Variants in ZFHX3 observed in about 807,000 individuals in gnomAD.
The protein encoded by ZFHX3 is zinc finger homeobox 3.
ZFHX3 carries 42 observed loss-of-function variants against 279.1 expected under a neutral mutation model. The ratio of observed to expected loss-of-function variants is 0.15; its 90% CI spans 0.12 to 0.19. The LOEUF (loss-of-function observed/expected upper bound fraction) is 0.19, where lower values mean the gene tolerates loss of function less well. ZFHX3 is among the 10% of genes least tolerant of loss of function. The probability of loss-of-function intolerance (pLI) is 1.00; values close to 1 mark genes in which losing one functional copy is unlikely to be tolerated. For synonymous variants in ZFHX3, 2,293 were observed against 1,957.8 expected, an observed-to-expected ratio of 1.17 and a Z score of -4.52; for missense variants, 4,981 against 4,754.0, an observed-to-expected ratio of 1.05 and a Z score of -1.40.
chr16:73,058,549 C>T (rs1965620932), exon 1 of ZFHX3: 2 of 173,684 alleles, frequency 1.2e-5, no homozygotes, highest in Admixed American at 6.6e-5. Context: ...TCTCCGGCGG[C>T]GGCGGCTGCA....
chr16:73,648,589 T>G (rs369715861), intron 2 of ZFHX3, among the ~76,000 whole-genome samples: 10 of 152,098 alleles, frequency 6.6e-5, no homozygotes, highest in Admixed American at 1.3e-4. Flanking sequence ...GTTTTGTTTT[T>G]TTAGTAGAGA....
intron 3 of ZFHX3, among the ~76,000 whole-genome samples, chr16:73,421,799 A>C (rs751677755): frequency 6.6e-6 from 1 of 152,042 alleles, no homozygotes; most frequent in African/African-American, 2.4e-5. Context: ...GTTGGTCAGG[A>C]TTTGGTTTTC....
At chr16:73,134,890 A>T (rs1458229631) in intron 6 of ZFHX3, among the ~76,000 whole-genome samples, 1 of 152,122 alleles carries the variant, frequency 6.6e-6, no homozygotes, top group Non-Finnish European at 1.5e-5. Context: ...CTAGCATGAG[A>T]ATGCTTTGAA....
At chr16:72,870,275 C>G (rs924671860) in intron 4 of ZFHX3, among the ~76,000 whole-genome samples, 1 of 151,998 alleles carries the variant, frequency 6.6e-6, no homozygotes. Flanking sequence ...GCCTGTAGTC[C>G]CAGGTACTCA....
At chr16:73,406,225 C>T (rs1161906037) in intron 3 of ZFHX3, among the ~76,000 whole-genome samples, 1 of 152,242 alleles carries the variant, frequency 6.6e-6, no homozygotes, top group African/African-American at 2.4e-5. Flanking sequence ...TGTGCTGACA[C>T]ATTTGTAAAG....
At chr16:73,754,223 G>C (rs142567093) in intron 1 of ZFHX3, among the ~76,000 whole-genome samples, 66 of 152,182 alleles carry the variant, frequency 4.3e-4, no homozygotes, top group Middle Eastern at 3.4e-3. Flanking sequence ...CTCAAAAAAC[G>C]TCCGCAGCCT....
chr16:73,706,151 C>A (rs1291376160), intron 1 of ZFHX3, among the ~76,000 whole-genome samples: 2 of 151,770 alleles, frequency 1.3e-5, no homozygotes, highest in Non-Finnish European at 2.9e-5. Flanking sequence ...CAAAAATAAA[C>A]AGAATTAGAA....
At chr16:72,869,484 C>A (rs1030513617) in intron 4 of ZFHX3, among the ~76,000 whole-genome samples, 10 of 152,166 alleles carry the variant, frequency 6.6e-5, no homozygotes, top group Admixed American at 5.2e-4. Context: ...TCCAAGGTAA[C>A]ACATGATCTT....
At chr16:73,151,574 T>C (rs1431114137) in intron 5 of ZFHX3, among the ~76,000 whole-genome samples, 1 of 78,050 alleles carries the variant, frequency 1.3e-5, no homozygotes, top group Non-Finnish European at 2.6e-5. Context: ...TGCCCGGGCA[T>C]AGGAATGGCA....
chr16:73,203,281 G>A (rs950948113), intron 5 of ZFHX3, among the ~76,000 whole-genome samples: 2 of 152,164 alleles, frequency 1.3e-5, no homozygotes, highest in Admixed American at 1.3e-4. Flanking sequence ...TAAATGGCTG[G>A]AAGGAAGGAA....
chr16:73,430,945 G>C (rs953104002), intron 3 of ZFHX3, among the ~76,000 whole-genome samples: 2 of 152,236 alleles, frequency 1.3e-5, no homozygotes, highest in African/African-American at 2.4e-5. Context: ...GGGTCAGCTA[G>C]TGGGTCACAA....
Position 72,796,811 on chromosome 16 carries a change from G to A in ZFHX3, c.5871C>T (p.Val1957=). ...ALLENFGFEL[V]IQYNENKQKV... is the part of the protein sequence containing the mutation. ...TCTGCTTGTTCTCATTATACTGGAT[G>A]ACCAACTCAAAGCCAAAGTTCTCCA... is the stretch of plus-strand genomic sequence containing the variant. Residue 1957 remains valine (V), a synonymous_variant, in exon 9 of 10, where the codon GTC becomes GTT. Transcript: ENST00000268489. 6.2e-7 allele frequency: 1 copy of A among 1,613,388 alleles called. No homozygotes were observed. Among genetic ancestry groups the A allele is most frequent in the Non-Finnish European group, 8.5e-7 (1 of 1,179,902 alleles).
chr16:73,471,542 G>C (rs537237639), intron 2 of ZFHX3, among the ~76,000 whole-genome samples: 1 of 152,190 alleles, frequency 6.6e-6, no homozygotes, highest in South Asian at 2.1e-4. Flanking sequence ...CCAAGTAGTT[G>C]GGATTACAGG....
At chr16:72,853,842 G>C (rs1224500151) in intron 4 of ZFHX3, among the ~76,000 whole-genome samples, 1 of 152,086 alleles carries the variant, frequency 6.6e-6, no homozygotes, top group African/African-American at 2.4e-5. Context: ...GCAGAAGGCT[G>C]AGCGGCAGGA....
intron 3 of ZFHX3, among the ~76,000 whole-genome samples, chr16:73,336,129 G>A (rs897481410): frequency 2.0e-5 from 3 of 152,210 alleles, no homozygotes; most frequent in Non-Finnish European, 2.9e-5. Flanking sequence ...GCAGGTGCAG[G>A]CAGTGGAAGG....
intron 1 of ZFHX3, among the ~76,000 whole-genome samples, chr16:73,822,369 G>T (rs1458262942): frequency 6.6e-6 from 1 of 152,082 alleles, no homozygotes; most frequent in Non-Finnish European, 1.5e-5. Context: ...AAGTTTCAAA[G>T]AAAAAGGCAC....
chr16:73,534,077 A>T (rs776292593), intron 2 of ZFHX3, among the ~76,000 whole-genome samples: 2 of 152,084 alleles, frequency 1.3e-5, no homozygotes, highest in African/African-American at 4.8e-5. Flanking sequence ...CCTTTCATTC[A>T]AGGTAAAAGC....
rs2036475688 is a variant in ZFHX3, at chr16:72,812,189, CA to C, written c.3530-152del. On this transcript the variant is annotated intron_variant, in intron 5 of 9. Transcript: ENST00000268489. The stretch of plus-strand genomic sequence containing the variant: ...AGGATGAACATCCGGACTGATTTAT[CA>C]AGCATGTTGGAAAAGAAGCAAGTGT... 8.5e-6 allele frequency: 10 copies of C among 1,169,774 alleles called. No individual in the cohort carries two copies. In the South Asian group the frequency reaches 1.7e-4, roughly 20 times the overall value. 72.5% of individuals were successfully genotyped at this position (1,169,774 alleles called of 1,614,324 possible).
intron 1 of ZFHX3, among the ~76,000 whole-genome samples, chr16:73,019,529 C>T (rs891882505): frequency 6.6e-6 from 1 of 152,228 alleles, no homozygotes; most frequent in African/African-American, 2.4e-5. Flanking sequence ...CCCAGCCACA[C>T]TGCAGCATCG....
Sources: allele counts gnomAD v4.1 joint callset (sites outside exome capture counted in the v4.1 genomes callset), GRCh38; gene constraint gnomAD v4.1.1; transcripts MANE v1.5; gene names NCBI Gene and HGNC (gene_info 2026-07-23, HGNC 2026-07-21).